PTPRN2: variants seen among roughly 807,000 people sequenced by gnomAD.
PTPRN2 encodes the protein receptor-type tyrosine-protein phosphatase N2.
PTPRN2 carries 74 observed loss-of-function variants against 118.8 expected under a neutral mutation model. The observed-to-expected ratio is 0.62, with a 90% confidence interval of 0.52 to 0.76. The LOEUF is 0.76. Among genes scored for constraint, PTPRN2 ranks in the 30% least tolerant of loss-of-function variants. The pLI, the probability that PTPRN2 is intolerant of heterozygous loss-of-function variation, is 0.00. For missense variants in PTPRN2, 1,481 were observed against 1,394.4 expected (o/e 1.06, Z -0.99); for synonymous variants, 641 against 608.0 (o/e 1.05, Z -0.80).
Position 157,629,026 on chromosome 7 carries a change from T to A in PTPRN2, c.2197-7517A>T, listed in dbSNP as rs1343147650. 6.6e-6 allele frequency among the ~76,000 whole-genome samples: 1 copy of A among 152,114 alleles called. No homozygotes were observed. The highest frequency in any genetic ancestry group is 2.4e-5 in the African/African-American group (1 of 41,430). ...CTCCGGTGGGAAGAGCACACCAGCATCCCGTGTGCATCTGATGCAGGACCC... is the reference window on the plus strand; with the variant it reads ...CTCCGGTGGGAAGAGCACACCAGCAACCCGTGTGCATCTGATGCAGGACCC... On this transcript the variant is annotated intron_variant, in intron 14 of 22. Coordinates refer to ENST00000389418, the MANE Select transcript of PTPRN2 (RefSeq NM_002847.5). This position sits in a 1 kb window ranked among gnomAD's most constrained non-coding sequence, Gnocchi z 4.4.
chr7:158,087,931 G>C (rs1237872957), intron 10 of PTPRN2, among the ~76,000 whole-genome samples: 1 of 97,484 alleles, frequency 1.0e-5, no homozygotes, highest in African/African-American at 3.1e-5. Flanking sequence ...TTCTTCCCCT[G>C]ATGAAAGAGG....
intron 12 of PTPRN2, among the ~76,000 whole-genome samples, chr7:157,718,925 G>A (rs950437028): frequency 1.3e-5 from 2 of 152,156 alleles, no homozygotes; most frequent in African/African-American, 4.8e-5. Flanking sequence ...CAGCGCTACT[G>A]TAGCCTGCCA....
chr7:157,912,431 T>C, intron 11 of PTPRN2, among the ~76,000 whole-genome samples: 1 of 152,234 alleles, frequency 6.6e-6, no homozygotes, highest in Middle Eastern at 3.2e-3. Context: ...TTGTCAGTTA[T>C]GTGGGCTGCA....
At chr7:158,177,865 C>T (rs1056774553) in intron 5 of PTPRN2, among the ~76,000 whole-genome samples, 4 of 152,162 alleles carry the variant, frequency 2.6e-5, no homozygotes, top group Non-Finnish European at 4.4e-5. Flanking sequence ...CACATGCTTT[C>T]GTTTGTCTTG....
chr7:158,359,015 T>G (rs1808616181), intron 2 of PTPRN2, among the ~76,000 whole-genome samples: 1 of 152,132 alleles, frequency 6.6e-6, no homozygotes, highest in South Asian at 2.1e-4. Context: ...AGGGACGCCA[T>G]CCCCACTCTA....
Position 157,799,745 on chromosome 7 carries a change from C to T in PTPRN2, c.1788+98928G>A, listed in dbSNP as rs919259916. On this transcript the variant is annotated intron_variant, in intron 12 of 22. Coordinates refer to ENST00000389418, the MANE Select transcript of PTPRN2 (RefSeq NM_002847.5). The stretch of plus-strand genomic sequence containing the variant: ...CCACAGCCTTCAACACACGGCATCA[C>T]GAACCACCTCCCGAGCCGGCCCCCT... 2.0e-5 allele frequency among the ~76,000 whole-genome samples: 3 copies of T among 150,710 alleles called. No homozygotes were observed. The East Asian group carries it at 5.8e-4, about 29-fold the overall frequency.
intron 11 of PTPRN2, among the ~76,000 whole-genome samples, chr7:157,958,458 TG>T (rs1440506943): frequency 2.0e-5 from 3 of 152,166 alleles, no homozygotes; most frequent in African/African-American, 7.2e-5. Context: ...GACATAAAAT[TG>T]TTTCTGTTCA....
At chr7:157,941,612 G>A (rs531050988) in intron 11 of PTPRN2, among the ~76,000 whole-genome samples, 2 of 152,324 alleles carry the variant, frequency 1.3e-5, no homozygotes, top group South Asian at 4.1e-4. Context: ...GCAGAGAGGG[G>A]CTCCTGGCCA....
Position 158,102,045 on chromosome 7 carries a change from G to T in PTPRN2, c.1643+8784C>A, listed in dbSNP as rs905613606. Among the ~76,000 whole-genome samples the T allele has an allele frequency of 2.0e-5, 3 of 152,164 alleles. No homozygotes were observed. The East Asian group carries it at 5.8e-4, about 29-fold the overall frequency. ...CCCTCTCCTGTCCTGAGGATGAAGT[G>T]GTTCCTCTCCCAAGCCCCAGATCGC... On this transcript the variant is annotated intron_variant, in intron 10 of 22. Transcript: ENST00000389418.
chr7:158,471,700 A>G (rs1247823821), intron 2 of PTPRN2, among the ~76,000 whole-genome samples: 1 of 146,264 alleles, frequency 6.8e-6, no homozygotes, highest in Admixed American at 6.8e-5. Flanking sequence ...AAAAACAAAA[A>G]CAAACAAACA....
At chr7:158,311,085 G>A (rs895433551) in intron 3 of PTPRN2, among the ~76,000 whole-genome samples, 1 of 152,098 alleles carries the variant, frequency 6.6e-6, no homozygotes, top group Non-Finnish European at 1.5e-5. Flanking sequence ...CAAGACAGGC[G>A]AGCACAGGGA....
At chr7:157,757,579 G>C (rs1801867451) in intron 12 of PTPRN2, among the ~76,000 whole-genome samples, 1 of 151,818 alleles carries the variant, frequency 6.6e-6, no homozygotes, top group African/African-American at 2.4e-5. Context: ...CAAGCACTTG[G>C]CAGTTAGCGG....
intron 5 of PTPRN2, among the ~76,000 whole-genome samples, chr7:158,172,256 G>A (rs1823767352): frequency 6.6e-6 from 1 of 152,112 alleles, no homozygotes; most frequent in East Asian, 1.9e-4. Context: ...TTCACCACCT[G>A]CAAAACTAGA....
chr7:157,970,309 G>A (rs1802231096), intron 11 of PTPRN2, among the ~76,000 whole-genome samples: 1 of 152,208 alleles, frequency 6.6e-6, no homozygotes, highest in Admixed American at 6.5e-5. Flanking sequence ...CAAATAGAAA[G>A]CATCGTGGAA....
At chr7:157,568,862 A>C in intron 21 of PTPRN2, 40 bp downstream of exon 21, 1 of 1,524,486 alleles carries the variant, frequency 6.6e-7, no homozygotes, top group Non-Finnish European at 9.1e-7. Flanking sequence ...ACGCCATCCC[A>C]GCTCTGAGCC....
At chr7:157,579,010 C>A (rs1271728057) in intron 17 of PTPRN2, among the ~76,000 whole-genome samples, 1 of 150,816 alleles carries the variant, frequency 6.6e-6, no homozygotes, top group Non-Finnish European at 1.5e-5. Context: ...AATTTGGTAT[C>A]CAAGACAGTT....
At chr7:157,924,916 A>G (rs55776252) in intron 11 of PTPRN2, among the ~76,000 whole-genome samples, 38,991 of 85,078 alleles carry the variant, frequency 0.46, 8,590 homozygotes, top group African/African-American at 0.52. Context: ...AGGCACCTGC[A>G]TTTAGCACGT....
chr7:158,266,411 G>T (rs199651112), intron 3 of PTPRN2, among the ~76,000 whole-genome samples: 3 of 146,080 alleles, frequency 2.1e-5, no homozygotes, highest in Admixed American at 6.8e-5. Flanking sequence ...TCTGCTGCGG[G>T]GTATTGTCTG....
At chr7:158,273,463 G>GACAGAC (rs1563072681) in intron 3 of PTPRN2, among the ~76,000 whole-genome samples, 1 of 76,214 alleles carries the variant, frequency 1.3e-5, no homozygotes, top group African/African-American at 9.9e-5. Context: ...CGCAGACGCA[G>GACAGAC]GGGGAGCCGC....
Sources: allele counts gnomAD v4.1 joint callset (sites outside exome capture counted in the v4.1 genomes callset), GRCh38; gene constraint gnomAD v4.1.1; non-coding constraint Gnocchi (gnomAD v3.1); transcripts MANE v1.5; gene names NCBI Gene and HGNC (gene_info 2026-07-23, HGNC 2026-07-21).